The following SPECC1 variants were observed in gnomAD, a reference collection of about 807,000 sequenced individuals.
SPECC1 encodes the protein cytospin-B.
SPECC1 carries 62 observed loss-of-function variants against 104.1 expected under a neutral mutation model. That is an observed-to-expected ratio of 0.60 (90% confidence interval 0.49 to 0.74). The LOEUF is 0.74. Among genes scored for constraint, SPECC1 ranks in the 30% least tolerant of loss-of-function variants. The probability of loss-of-function intolerance (pLI) is 0.00; values close to 1 mark genes in which losing one functional copy is unlikely to be tolerated. For synonymous variants in SPECC1, 513 were observed against 501.6 expected, an observed-to-expected ratio of 1.02 and a Z score of -0.30; for missense variants, 1,306 against 1,310.5, an observed-to-expected ratio of 1.00 and a Z score of 0.05.
chr17:20,244,251 T>A (rs1359576210), intron 7 of SPECC1, among the ~76,000 whole-genome samples: 3 of 152,084 alleles, frequency 2.0e-5, no homozygotes, highest in Non-Finnish European at 4.4e-5. Flanking sequence ...AGGTGGCCCA[T>A]TTTGTTTGTT....
Position 20,111,021 on chromosome 17 carries a change from C to T in SPECC1, c.283+459C>T, listed in dbSNP as rs542780023. ...GGAAGGCTGCTCAGAGTGGCTTGGA[C>T]GGCAGTGGCAACAGGAAGCTGTGAA... On this transcript the variant is annotated intron_variant, in intron 3 of 14. Coordinates refer to ENST00000395527, the MANE Select transcript of SPECC1 (RefSeq NM_001243439.2). Among the ~76,000 whole-genome samples, 94 of 152,220 alleles carry T rather than the reference C, an allele frequency of 6.2e-4. 2 individuals carry two copies. In the South Asian group the frequency reaches 0.018, roughly 29 times the overall value.
At chr17:20,242,089 TAGC>T (rs1204079921) in intron 7 of SPECC1, among the ~76,000 whole-genome samples, 1 of 152,174 alleles carries the variant, frequency 6.6e-6, no homozygotes. Context: ...ATTGTGAAGG[TAGC>T]AGTGGTGCCA....
intron 3 of SPECC1, chr17:20,155,794 G>C: frequency 2.2e-6 from 1 of 457,370 alleles, no homozygotes; most frequent in Non-Finnish European, 3.0e-6. Flanking sequence ...CAGCATCCGC[G>C]GGCGGAGGCC....
At chr17:20,187,382 GACTC>G (rs1163410247) in intron 3 of SPECC1, among the ~76,000 whole-genome samples, 1 of 152,182 alleles carries the variant, frequency 6.6e-6, no homozygotes, top group Non-Finnish European at 1.5e-5. Context: ...GGATGGCAGA[GACTC>G]AATCAGAATG....
chr17:20,140,852 C>G (rs997921443), intron 3 of SPECC1, among the ~76,000 whole-genome samples: 5 of 152,232 alleles, frequency 3.3e-5, no homozygotes, highest in Non-Finnish European at 7.3e-5. Flanking sequence ...CTTCTCTGCT[C>G]GAAAACCTTC....
At chr17:20,175,738 C>T (rs948705458) in intron 3 of SPECC1, among the ~76,000 whole-genome samples, 4 of 152,204 alleles carry the variant, frequency 2.6e-5, no homozygotes, top group African/African-American at 4.8e-5. Flanking sequence ...TGTTCTGCTC[C>T]TGGAGATTAA....
At chr17:20,280,380 C>G (rs969069230) in intron 12 of SPECC1, among the ~76,000 whole-genome samples, 3 of 152,216 alleles carry the variant, frequency 2.0e-5, no homozygotes, top group East Asian at 3.8e-4. Flanking sequence ...CAGAGTCACA[C>G]CCTAGTAAGG....
Position 20,314,475 on chromosome 17 carries a change from T to TA in SPECC1, c.*411dup. ...GTTAAAAATATCCCGGCTTTGCCTT[T>TA]ATGAAACCTTTGCCCTTGGCTGGGT... On this transcript the variant is annotated 3_prime_UTR_variant, in exon 15 of 15. Coordinates refer to ENST00000395527, the MANE Select transcript of SPECC1 (RefSeq NM_001243439.2). 1 of 308,204 alleles carries TA rather than the reference T, an allele frequency of 3.2e-6. No homozygotes were observed. The allele number at this position is 308,204 out of a possible 1,614,324, so 19.1% of individuals were successfully genotyped here.
chr17:20,266,601 A>G (rs1289813931), intron 12 of SPECC1, among the ~76,000 whole-genome samples: 1 of 152,180 alleles, frequency 6.6e-6, no homozygotes, highest in Non-Finnish European at 1.5e-5. Context: ...ATATATATAT[A>G]TTGTAGGTCC....
At chr17:20,234,163 A>AC (rs1398813393) in intron 7 of SPECC1, among the ~76,000 whole-genome samples, 8 of 151,482 alleles carry the variant, frequency 5.3e-5, no homozygotes, top group African/African-American at 1.5e-4. Flanking sequence ...TCTTAACGTC[A>AC]CGTTTTTTTT....
intron 12 of SPECC1, among the ~76,000 whole-genome samples, chr17:20,285,596 G>C (rs1465019192): frequency 3.9e-5 from 6 of 152,014 alleles, no homozygotes; most frequent in African/African-American, 1.5e-4. Flanking sequence ...GCATTTCCCT[G>C]GGTAAAAATA....
At chr17:20,309,446 G>A (rs1199926861) in intron 14 of SPECC1, among the ~76,000 whole-genome samples, 1 of 152,142 alleles carries the variant, frequency 6.6e-6, no homozygotes, top group African/African-American at 2.4e-5. Flanking sequence ...GTACAGGTTT[G>A]TTACATGGGT....
At chr17:20,297,558 A>G (rs78264137) in intron 13 of SPECC1, among the ~76,000 whole-genome samples, 155 of 152,262 alleles carry the variant, frequency 1.0e-3, no homozygotes, top group African/African-American at 2.7e-3. Flanking sequence ...AGGGTTGGCA[A>G]ATTTTCCCTG....
Position 20,247,202 on chromosome 17 carries a change from A to G in SPECC1, c.2498-17A>G. The G allele has an allele frequency of 6.3e-7, 1 of 1,592,542 alleles. No homozygotes were observed. The highest frequency in any genetic ancestry group is 8.6e-7 in the Non-Finnish European group (1 of 1,164,774). ...AGTGGAACAACATATAAATGTTCCC[A>G]TGTTTTTTCTTGGCAGGTGGAGCTG... On this transcript the variant is annotated splice_polypyrimidine_tract_variant and intron_variant, in intron 8 of 14. Coordinates refer to ENST00000395527, the MANE Select transcript of SPECC1 (RefSeq NM_001243439.2).
chr17:20,152,326 A>G (rs1158570003), intron 3 of SPECC1, among the ~76,000 whole-genome samples: 1 of 152,194 alleles, frequency 6.6e-6, no homozygotes, highest in East Asian at 1.9e-4. Context: ...AAATAATACA[A>G]GCATTGACAG....
rs1472686493 is a variant in SPECC1, at chr17:20,245,924, A to C, written c.2352-2A>C. The stretch of plus-strand genomic sequence containing the variant: ...CAATCTGATTTGCTCTTTGCCATGC[A>C]GACCTGTGGATGAAGAGCCAGAGTC... On this transcript the variant is annotated splice_acceptor_variant, in intron 7 of 14. Coordinates refer to ENST00000395527, the MANE Select transcript of SPECC1 (RefSeq NM_001243439.2). LOFTEE classifies it high-confidence loss of function. 6.2e-7 allele frequency: 1 copy of C among 1,614,000 alleles called. No individual in the cohort carries two copies. The highest frequency in any genetic ancestry group is 8.5e-7 in the Non-Finnish European group (1 of 1,180,014).
At chr17:20,204,077 T>C (rs1217345638) in intron 3 of SPECC1, among the ~76,000 whole-genome samples, 1 of 152,154 alleles carries the variant, frequency 6.6e-6, no homozygotes, top group Non-Finnish European at 1.5e-5. Flanking sequence ...TGTGTGCCCA[T>C]GCGTGAACCA....
chr17:20,249,493 A>G (rs1170335173), intron 9 of SPECC1, among the ~76,000 whole-genome samples: 1 of 152,218 alleles, frequency 6.6e-6, no homozygotes, highest in Non-Finnish European at 1.5e-5. Flanking sequence ...AAGAGAAAAA[A>G]TAGACAATAG....
intron 1 of SPECC1, among the ~76,000 whole-genome samples, chr17:20,020,145 A>C (rs1224138076): frequency 6.6e-6 from 1 of 152,180 alleles, no homozygotes; most frequent in African/African-American, 2.4e-5. Flanking sequence ...ATAAAACACC[A>C]CGCTGACATT....
Sources: gnomAD v4.1 joint callset for allele counts (sites outside exome capture counted in the v4.1 genomes callset) on GRCh38, gnomAD v4.1.1 for gene constraint, MANE v1.5 for transcripts, NCBI Gene and HGNC (gene_info 2026-07-23, HGNC 2026-07-21) for gene names.